Variants in DCP2 observed in about 807,000 individuals in gnomAD.
The protein encoded by DCP2 is m7GpppN-mRNA hydrolase.
A neutral mutation model predicts 56.1 loss-of-function variants in DCP2; 30 were observed. The observed-to-expected ratio is 0.53, with a 90% CI of 0.40 to 0.73. DCP2 has a LOEUF of 0.73. Among genes scored for constraint, DCP2 ranks in the 30% least tolerant of loss-of-function variants. The pLI is 0.00. For missense variants in DCP2, 533 were observed against 502.7 expected, an observed-to-expected ratio of 1.06 and a Z score of -0.58; for synonymous variants, 197 against 163.3, an observed-to-expected ratio of 1.21 and a Z score of -1.57.
rs903613556 is a variant in DCP2 at position 113,016,908 on chromosome 5, T to C, written c.*3424T>C. On this transcript the variant is annotated 3_prime_UTR_variant, in exon 11 of 11. Transcript: ENST00000389063. ...CCAGGCTGGAGTGCAATGGTGCAAT[T>C]TCGGCTCACCGCAACCTACGCCTCC... 2.0e-5 allele frequency: 3 copies of C among 149,928 alleles called. No homozygotes were observed. Among genetic ancestry groups the C allele is most frequent in the African/African-American group, 7.4e-5 (3 of 40,574 alleles). 9.3% of individuals were successfully genotyped at this position (149,928 alleles called of 1,614,324 possible).
chr5:113,008,989 G>A (rs1392990484), intron 9 of DCP2, among the ~76,000 whole-genome samples: 2 of 152,006 alleles, frequency 1.3e-5, no homozygotes, highest in South Asian at 2.1e-4. Flanking sequence ...GACTAGAGGT[G>A]TGCGCCACCA....
intron 8 of DCP2, 122 bp downstream of exon 8, chr5:113,004,199 T>C: frequency 1.8e-6 from 2 of 1,111,598 alleles, no homozygotes; most frequent in South Asian, 3.3e-5. Context: ...TCAAAGCCTG[T>C]ATGTTCCTTA....
intron 1 of DCP2, among the ~76,000 whole-genome samples, chr5:112,977,213 A>T (rs1167042114): frequency 6.6e-6 from 1 of 151,544 alleles, no homozygotes; most frequent in Non-Finnish European, 1.5e-5. Context: ...GAACACCCGG[A>T]ATTTCCTCAT....
rs144025307 is a variant in DCP2, at chr5:112,992,137, G to T, written c.222G>T (p.Pro74=). 1.2e-6 allele frequency: 2 copies of T among 1,613,788 alleles called. No individual in the cohort carries two copies. Among genetic ancestry groups the T allele is most frequent in the Admixed American group, 3.3e-5 (2 of 59,950 alleles). The change falls in exon 3 of 11, where the codon CCG becomes CCT. Residue 74 remains proline (P), a synonymous_variant. Coordinates refer to ENST00000389063, the MANE Select transcript of DCP2 (RefSeq NM_152624.6). ...DFAKAVFSHC[P]FLLPQGEDVE... is the part of the protein sequence containing the mutation. ...TATTTATACTCTTCAGTCATTGTCC[G>T]TTTTTGCTGCCTCAAGGTGAAGATG...
chr5:112,996,404 G>A (rs191567676), intron 4 of DCP2, among the ~76,000 whole-genome samples: 1 of 152,156 alleles, frequency 6.6e-6, no homozygotes. Flanking sequence ...GATGTTTTGA[G>A]CACTTTTTTT....
At chr5:113,005,085 C>T (rs1050997586) in intron 8 of DCP2, among the ~76,000 whole-genome samples, 3 of 151,520 alleles carry the variant, frequency 2.0e-5, no homozygotes, top group South Asian at 2.1e-4. Context: ...GCCAAGATCG[C>T]GCCATTGCAC....
In DCP2 at chr5:112,986,445, C is replaced by G. The variant is rs139600102; in HGVS notation, c.205+459C>G. On this transcript the variant is annotated intron_variant, in intron 2 of 10. Coordinates refer to ENST00000389063, the MANE Select transcript of DCP2 (RefSeq NM_152624.6). ...CTCGAGCTCCTGCTTAAGCAATCCTCCTCCCTAGCCTCTCGAGTGGCTGTG... is the reference window on the plus strand; with the variant it reads ...CTCGAGCTCCTGCTTAAGCAATCCTGCTCCCTAGCCTCTCGAGTGGCTGTG... Among the ~76,000 whole-genome samples, 678 of 152,036 alleles carry G rather than the reference C, an allele frequency of 4.5e-3. 4 individuals carry two copies. The highest frequency in any genetic ancestry group is 7.8e-3 in the Non-Finnish European group (533 of 67,984).
Position 113,015,265 on chromosome 5 carries a change from G to A in DCP2, c.*1781G>A, listed in dbSNP as rs1262860824. 3 of 152,434 alleles carry A rather than the reference G, an allele frequency of 2.0e-5. No individual in the cohort carries two copies. Among genetic ancestry groups the A allele is most frequent in the African/African-American group, 4.8e-5 (2 of 41,376 alleles). The allele number at this position is 152,434 out of a possible 1,614,324, so 9.4% of individuals were successfully genotyped here. ...ACTTCTGGTAAATTGTTAAAGGAGTGAAAATGTAGTTTGCCTGGCAGATGA... is the reference window on the plus strand; with the variant it reads ...ACTTCTGGTAAATTGTTAAAGGAGTAAAAATGTAGTTTGCCTGGCAGATGA... On this transcript the variant is annotated 3_prime_UTR_variant, in exon 11 of 11. Coordinates refer to ENST00000389063, the MANE Select transcript of DCP2 (RefSeq NM_152624.6).
rs968427244 is a variant in DCP2 at position 113,021,612 on chromosome 5, A to ATTCT, written c.*8131_*8134dup. On this transcript the variant is annotated 3_prime_UTR_variant, in exon 11 of 11. Transcript: ENST00000389063. ...TGGATCTCAAGGGGGAAAGAAATAC[A>ATTCT]TTCTTTTCCATTAGAGACCTCAGCT... Among the ~76,000 whole-genome samples the ATTCT allele has an allele frequency of 2.6e-5, 4 of 152,278 alleles. No individual in the cohort carries two copies. Among genetic ancestry groups the ATTCT allele is most frequent in the Middle Eastern group, 3.4e-3 (1 of 294 alleles).
chr5:112,991,778 T>G (rs949431533), intron 2 of DCP2, among the ~76,000 whole-genome samples: 9 of 152,214 alleles, frequency 5.9e-5, no homozygotes, highest in African/African-American at 2.2e-4. Flanking sequence ...TAACGAGAAA[T>G]GTTCTAGGTG....
At chr5:113,003,656 C>G (rs1332037650) in intron 7 of DCP2, among the ~76,000 whole-genome samples, 2 of 151,932 alleles carry the variant, frequency 1.3e-5, no homozygotes, top group Admixed American at 1.3e-4. Flanking sequence ...ACTATAATCA[C>G]TTATAGGGAG....
chr5:112,985,770 A>C (rs1165362168), intron 1 of DCP2, 65 bp from the exon 2 acceptor site: 2 of 1,556,542 alleles, frequency 1.3e-6, no homozygotes, highest in Non-Finnish European at 1.8e-6. Flanking sequence ...GAAGCACTTA[A>C]ATAGCTTAAG....
intron 1 of DCP2, chr5:112,984,703 A>AAAATATATATATATATATATAT: frequency 1.7e-4 from 11 of 64,856 alleles, no homozygotes; most frequent in Admixed American, 6.8e-4. Context: ...AAAAAAAAAA[A>AAAATATATATATATATATATAT]ATATATATAT....
intron 10 of DCP2, 147 bp downstream of exon 10, chr5:113,010,954 A>G (rs948857120): frequency 1.3e-6 from 1 of 792,928 alleles, no homozygotes; most frequent in Non-Finnish European, 1.9e-6. Flanking sequence ...ATGTATGTAG[A>G]GTTCTCTAAG....
rs7722631 is a variant in DCP2, at chr5:112,985,716, C to T, written c.54-119C>T. ...CTCAAATATTAATTGCTTCCTTGAA[C>T]AGTACTGCTCTTGGTCCCTTTTCTC... On this transcript the variant is annotated intron_variant, in intron 1 of 10. Transcript: ENST00000389063. 2.0e-5 allele frequency: 22 copies of T among 1,106,326 alleles called. No homozygotes were observed. In the African/African-American group the frequency reaches 3.3e-4, roughly 16 times the overall value. The allele number at this position is 1,106,326 out of a possible 1,614,324, so 68.5% of individuals were successfully genotyped here.
intron 1 of DCP2, among the ~76,000 whole-genome samples, chr5:112,980,453 C>G (rs1747949513): frequency 6.6e-6 from 1 of 152,328 alleles, no homozygotes; most frequent in South Asian, 2.1e-4. Context: ...TGCTAATGTC[C>G]TGTTTGTAGG....
intron 4 of DCP2, 96 bp downstream of exon 4, chr5:112,992,866 A>AC: frequency 3.6e-6 from 3 of 841,682 alleles, no homozygotes; most frequent in Non-Finnish European, 5.0e-6. Flanking sequence ...GACTGTCTTA[A>AC]CCCTTTCCAG....
At chr5:112,997,201 G>A (rs1393533928) in intron 4 of DCP2, among the ~76,000 whole-genome samples, 1 of 152,204 alleles carries the variant, frequency 6.6e-6, no homozygotes, top group Non-Finnish European at 1.5e-5. Context: ...GTTTAGGTCT[G>A]TTGGGGCCTA....
At chr5:113,000,399 TACACACAC>T (rs758225763) in intron 4 of DCP2, among the ~76,000 whole-genome samples, 1,569 of 123,656 alleles carry the variant, frequency 0.013, 22 homozygotes, top group Middle Eastern at 0.017. Context: ...ACTTGTCTAA[TACACACAC>T]ACACACACAC....
Sources: gnomAD v4.1 joint callset for allele counts (sites outside exome capture counted in the v4.1 genomes callset) on GRCh38, gnomAD v4.1.1 for gene constraint, MANE v1.5 for transcripts, NCBI Gene and HGNC (gene_info 2026-07-23, HGNC 2026-07-21) for gene names.